Variants in ATG16L1 observed in about 807,000 individuals in gnomAD.
ATG16L1 encodes autophagy related 16 like 1.
Under a neutral mutation model 88.5 loss-of-function variants are expected in ATG16L1, and 37 were observed. The observed-to-expected ratio is 0.42, with a 90% confidence interval of 0.32 to 0.55. The LOEUF (loss-of-function observed/expected upper bound fraction) is 0.55, where lower values mean the gene tolerates loss of function less well. Among genes scored for constraint, ATG16L1 ranks in the 20% least tolerant of loss-of-function variants. The probability of loss-of-function intolerance (pLI) is 0.13; values close to 1 mark genes in which losing one functional copy is unlikely to be tolerated. For synonymous variants in ATG16L1, 301 were observed against 281.0 expected (o/e 1.07, Z -0.71); for missense variants, 554 against 752.8 (o/e 0.74, Z 3.09).
chr2:233,265,121 G>A lies in ATG16L1; in HGVS notation c.619G>A (p.Ala207Thr). The change falls in exon 5 of 18, where the codon GCA (alanine) becomes ACA (threonine). Residue 207 changes from alanine to threonine, a missense_variant. Transcript: ENST00000392017. ...AGCCCAGGAAGCCAATCGGCTTAATGCAGAGAATGAAAAAGACTCCAGGTG... is the reference window on the plus strand; with the variant it reads ...AGCCCAGGAAGCCAATCGGCTTAATACAGAGAATGAAAAAGACTCCAGGTG... ...EKAQEANRLNAENEKDSRRRQ... is the reference protein window; with the variant it reads ...EKAQEANRLNTENEKDSRRRQ... The A allele has an allele frequency of 6.2e-7, 1 of 1,614,152 alleles. No individual in the cohort carries two copies. The highest frequency in any genetic ancestry group is 8.5e-7 in the Non-Finnish European group (1 of 1,180,030).
chr2:233,264,789 ATGT>A lies in ATG16L1; in HGVS notation c.390-99_390-97del, dbSNP rs1325995744. ...CCATGGGGATGGGCCTGGCTAAAAG[ATGT>A]TGTAACAGACACAAAGTGTTAAGCA... On this transcript the variant is annotated intron_variant, in intron 4 of 17. Coordinates refer to ENST00000392017, the MANE Select transcript of ATG16L1 (RefSeq NM_030803.7). 14 of 1,463,400 alleles carry A rather than the reference ATGT, an allele frequency of 9.6e-6. No individual in the cohort carries two copies. The East Asian group carries it at 1.1e-4, about 12-fold the overall frequency. 90.7% of individuals were successfully genotyped at this position (1,463,400 alleles called of 1,614,324 possible).
intron 1 of ATG16L1, among the ~76,000 whole-genome samples, chr2:233,255,747 G>A (rs1696732643): frequency 6.6e-6 from 1 of 152,164 alleles, no homozygotes; most frequent in African/African-American, 2.4e-5. Flanking sequence ...TTAACTCCAT[G>A]TTGGAGACTG....
chr2:233,263,011 G>A (rs1272366880), intron 2 of ATG16L1, 119 bp from the exon 3 acceptor site: 30 of 866,492 alleles, frequency 3.5e-5, no homozygotes, highest in Non-Finnish European at 5.6e-5. Flanking sequence ...TGGTTTATTG[G>A]CTTTGTGAAC....
intron 9 of ATG16L1, chr2:233,275,748 G>A (rs1396566571): frequency 1.9e-6 from 1 of 519,102 alleles, no homozygotes; most frequent in African/African-American, 1.9e-5. Context: ...ATTGGTAAAA[G>A]GTCTGATTGC....
intron 12 of ATG16L1, among the ~76,000 whole-genome samples, chr2:233,287,426 C>G (rs1415603592): frequency 1.3e-5 from 2 of 152,174 alleles, no homozygotes; most frequent in African/African-American, 4.8e-5. Context: ...CTGGCCCCAT[C>G]ATAAGTTGAG....
chr2:233,273,027 G>T lies in ATG16L1; in HGVS notation c.769G>T (p.Val257Leu), dbSNP rs972132006. Residue 257 changes from valine to leucine, a missense_variant, in exon 7 of 18, where the codon GTG (valine) becomes TTG (leucine). Physicochemically the swap from Val to Leu is conservative, Grantham distance 32. Transcript: ENST00000392017. ...TGATCACACAGAAGAGACCTCTCCT[G>T]TGCGAGCCATCAGCAGAGCAGCCAC... Reference protein sequence around the residue: ...TSDHTEETSPVRAISRAATKR... With the variant: ...TSDHTEETSPLRAISRAATKR... 1 of 1,614,004 alleles carries T rather than the reference G, an allele frequency of 6.2e-7. No homozygotes were observed.
At chr2:233,261,627 C>CAT (rs1269612434) in intron 2 of ATG16L1, among the ~76,000 whole-genome samples, 1 of 151,950 alleles carries the variant, frequency 6.6e-6, no homozygotes, top group Non-Finnish European at 1.5e-5. Flanking sequence ...TATTCTGGGT[C>CAT]ATATGGAGGG....
chr2:233,276,593 C>A (rs547778123), intron 9 of ATG16L1, among the ~76,000 whole-genome samples: 50 of 152,352 alleles, frequency 3.3e-4, no homozygotes, highest in African/African-American at 1.0e-3. Flanking sequence ...CCACCTCAGC[C>A]TCTTGAGTAG....
In ATG16L1 at chr2:233,277,622, C is replaced by G. The variant is rs1197443013; in HGVS notation, c.1009C>G (p.Leu337Val). Residue 337 changes from leucine to valine, a missense_variant, in exon 10 of 18, where the codon CTG (leucine) becomes GTG (valine). This residue lies in a region of ATG16L1 where 370 missense variants were observed against 509.7 expected (regional missense o/e 0.73). Transcript: ENST00000392017. The part of the protein sequence containing the change: ...AVQFSPGSRL[L>V]ATGGMDRRVK... The stretch of plus-strand genomic sequence containing the variant: ...GCAGTTCAGTCCAGGTTCCCGGTTA[C>G]TGGCCACTGGAGGCATGGACCGCAG... 3 of 1,613,996 alleles carry G rather than the reference C, an allele frequency of 1.9e-6. No individual in the cohort carries two copies. Among genetic ancestry groups the G allele is most frequent in the Admixed American group, 3.3e-5 (2 of 60,006 alleles).
At position 233,263,229 on chromosome 2, in the gene ATG16L1, TG is replaced by T; in HGVS notation, c.313del (p.Glu105SerfsTer2). On this transcript the variant is annotated frameshift_variant, in exon 3 of 18. Coordinates refer to ENST00000392017, the MANE Select transcript of ATG16L1 (RefSeq NM_030803.7). LOFTEE classifies it high-confidence loss of function. ...AACTGACTGAATTACACAAGAAACG[TG>T]GGGAGGTAAAGCTAGCCCTTTTCCT... ...EELTELHKKR[G>X]ELAQLVIDLN... The T allele has an allele frequency of 6.2e-7, 1 of 1,613,614 alleles. No homozygotes were observed. The highest frequency in any genetic ancestry group is 8.5e-7 in the Non-Finnish European group (1 of 1,179,718).
Position 233,293,228 on chromosome 2 carries a change from A to G in ATG16L1, c.1629-28A>G, listed in dbSNP as rs201104302. 42 of 1,600,834 alleles carry G rather than the reference A, an allele frequency of 2.6e-5. No homozygotes were observed. The Admixed American group carries it at 3.0e-4, about 11-fold the overall frequency. On this transcript the variant is annotated intron_variant, in intron 16 of 17. Transcript: ENST00000392017. The stretch of plus-strand genomic sequence containing the variant: ...CTGAATTGGGGGTGGGGAATTGACA[A>G]CCTTTCTTTTCTTACTGTCTTCTGT...
At position 233,275,384 on chromosome 2, in the gene ATG16L1, A is replaced by T. The variant is rs566405377; in HGVS notation, c.954+606A>T. 4 of 261,402 alleles carry T rather than the reference A, an allele frequency of 1.5e-5. No homozygotes were observed. The East Asian group carries it at 2.7e-4, about 18-fold the overall frequency. The allele number at this position is 261,402 out of a possible 1,614,324, so 16.2% of individuals were successfully genotyped here. A position where few individuals can be genotyped will look rare whatever the true frequency, so the allele number is the denominator to read the frequency against. On this transcript the variant is annotated intron_variant, in intron 9 of 17. Coordinates refer to ENST00000392017, the MANE Select transcript of ATG16L1 (RefSeq NM_030803.7). ...GTACCTGGCTCAGAACTGTCAAAGC[A>T]TGAGGAGGGTAGGAAACAGAGCACA...
chr2:233,264,767 T>C (rs754530315), intron 4 of ATG16L1, 125 bp from the exon 5 acceptor site: 4 of 1,276,918 alleles, frequency 3.1e-6, no homozygotes, highest in African/African-American at 1.5e-5. Flanking sequence ...CTGTAAACCA[T>C]GGGGATGGGC....
chr2:233,281,357 C>G (rs1000485704), intron 11 of ATG16L1, among the ~76,000 whole-genome samples, 182 bp downstream of exon 11: 1 of 152,044 alleles, frequency 6.6e-6, no homozygotes, highest in Non-Finnish European at 1.5e-5. Flanking sequence ...CTGATAAACC[C>G]TTGGGTTCTG....
At chr2:233,254,143 T>C (rs1450784751) in intron 1 of ATG16L1, among the ~76,000 whole-genome samples, 1 of 152,240 alleles carries the variant, frequency 6.6e-6, no homozygotes, top group African/African-American at 2.4e-5. Context: ...TGGAATGTTT[T>C]CCTGCACTTT....
intron 4 of ATG16L1, among the ~76,000 whole-genome samples, chr2:233,264,689 A>G (rs1697449679): frequency 6.6e-6 from 1 of 152,122 alleles, no homozygotes; most frequent in Non-Finnish European, 1.5e-5. Context: ...CTTCCTTCAC[A>G]TCGTGTTTTT....
chr2:233,259,731 T>C (rs1405320661), intron 2 of ATG16L1, among the ~76,000 whole-genome samples: 1 of 152,236 alleles, frequency 6.6e-6, no homozygotes, highest in Non-Finnish European at 1.5e-5. Flanking sequence ...ACTAGTCATC[T>C]ATGGTTCCTT....
chr2:233,288,451 C>T (rs760845983), intron 12 of ATG16L1, among the ~76,000 whole-genome samples: 8 of 151,958 alleles, frequency 5.3e-5, no homozygotes, highest in South Asian at 2.1e-4. Flanking sequence ...CCAGCTAATT[C>T]GAATTTTTTT....
In ATG16L1 at chr2:233,270,395, T is replaced by C. The variant is rs917462825; in HGVS notation, c.707+328T>C. Among the ~76,000 whole-genome samples, 71 of 152,238 alleles carry C rather than the reference T, an allele frequency of 4.7e-4. 2 individuals carry two copies. Among genetic ancestry groups the C allele is most frequent in the Non-Finnish European group, 4.4e-5 (3 of 68,036 alleles). ...CATGTACTGATACGGCCTTTGACCC[T>C]ATTTCTGATTACTTACTTGAGATAG... On this transcript the variant is annotated intron_variant, in intron 6 of 17. Coordinates refer to ENST00000392017, the MANE Select transcript of ATG16L1 (RefSeq NM_030803.7).
Sources: gnomAD v4.1 joint callset for allele counts (sites outside exome capture counted in the v4.1 genomes callset) on GRCh38, gnomAD v4.1.1 for gene constraint, gnomAD v4.1.1 regional missense constraint, MANE v1.5 for transcripts, NCBI Gene and HGNC (gene_info 2026-07-23, HGNC 2026-07-21) for gene names.